The following NRG3 variants were observed in gnomAD, a reference collection of about 807,000 sequenced individuals.
NRG3 encodes neuregulin 3.
NRG3 carries 31 observed loss-of-function variants against 66.9 expected under a neutral mutation model. The observed-to-expected ratio is 0.46, with a 90% CI of 0.35 to 0.63. NRG3 has a LOEUF of 0.63. Ranked by LOEUF, NRG3 falls within the 20% of genes least tolerant of loss-of-function variation. The probability of loss-of-function intolerance (pLI) is 0.00; values close to 1 mark genes in which losing one functional copy is unlikely to be tolerated. For missense variants in NRG3, 910 were observed against 878.9 expected, an observed-to-expected ratio of 1.04 and a Z score of -0.45; for synonymous variants, 393 against 359.4, an observed-to-expected ratio of 1.09 and a Z score of -1.06.
chr10:82,015,486 C>T (rs1469554913), intron 1 of NRG3, among the ~76,000 whole-genome samples: 3 of 152,038 alleles, frequency 2.0e-5, no homozygotes, highest in East Asian at 1.9e-4. Flanking sequence ...ATAATCCCAA[C>T]GTGTGAAGGG....
At chr10:82,466,191 G>C (rs751514461) in intron 2 of NRG3, among the ~76,000 whole-genome samples, 1 of 151,874 alleles carries the variant, frequency 6.6e-6, no homozygotes, top group African/African-American at 2.4e-5. Context: ...TCCAACCTCT[G>C]TCTCTTCTAC....
chr10:82,798,833 C>A (rs982331710), intron 3 of NRG3, among the ~76,000 whole-genome samples: 3 of 152,266 alleles, frequency 2.0e-5, no homozygotes, highest in African/African-American at 4.8e-5. Flanking sequence ...CTCACATCAA[C>A]TTGATTTTTA....
intron 1 of NRG3, among the ~76,000 whole-genome samples, chr10:82,276,706 T>A (rs1312270322): frequency 2.0e-5 from 3 of 152,052 alleles, no homozygotes; most frequent in African/African-American, 7.2e-5. Context: ...TGAGTTGGTT[T>A]GGTGGACAAA....
chr10:82,470,238 C>A (rs1841122362), intron 2 of NRG3, among the ~76,000 whole-genome samples: 1 of 152,202 alleles, frequency 6.6e-6, no homozygotes, highest in African/African-American at 2.4e-5. Flanking sequence ...GTAAAGATAT[C>A]TTTCAGTGAG....
At chr10:82,100,616 A>C (rs934675218) in intron 1 of NRG3, among the ~76,000 whole-genome samples, 29 of 152,114 alleles carry the variant, frequency 1.9e-4, no homozygotes, top group Non-Finnish European at 3.5e-4. Flanking sequence ...AGTTTTTTGT[A>C]TATATTTTGA....
intron 3 of NRG3, among the ~76,000 whole-genome samples, chr10:82,750,369 A>C (rs529417869): frequency 6.6e-6 from 1 of 152,320 alleles, no homozygotes; most frequent in African/African-American, 2.4e-5. Flanking sequence ...TTTTTAATAT[A>C]GTTTTAAAAA....
chr10:82,681,425 A>G (rs2054104747), intron 2 of NRG3, among the ~76,000 whole-genome samples: 1 of 152,216 alleles, frequency 6.6e-6, no homozygotes, highest in South Asian at 2.1e-4. Flanking sequence ...TAAGCTTCAT[A>G]AAATTAAAAA....
At chr10:82,218,048 C>T (rs557425630) in intron 1 of NRG3, among the ~76,000 whole-genome samples, 1 of 152,150 alleles carries the variant, frequency 6.6e-6, no homozygotes, top group South Asian at 2.1e-4. Context: ...ATCTCAAATA[C>T]CCAAAGAAAA....
intron 1 of NRG3, among the ~76,000 whole-genome samples, chr10:81,907,349 T>G (rs1844695380): frequency 6.6e-6 from 1 of 152,170 alleles, no homozygotes; most frequent in South Asian, 2.1e-4. Context: ...CAAAGCTCTG[T>G]TTTTACTGCT....
intron 7 of NRG3, among the ~76,000 whole-genome samples, chr10:82,975,021 G>A (rs1349699782): frequency 6.6e-6 from 1 of 152,084 alleles, no homozygotes; most frequent in Non-Finnish European, 1.5e-5. Flanking sequence ...AAAAGAATAT[G>A]GTATGAGTCT....
intron 1 of NRG3, among the ~76,000 whole-genome samples, chr10:82,317,662 A>G (rs559423462): frequency 1.6e-4 from 24 of 152,352 alleles, no homozygotes; most frequent in African/African-American, 5.5e-4. Context: ...GAAACATAGC[A>G]TATGATCATG....
intron 3 of NRG3, among the ~76,000 whole-genome samples, chr10:82,763,878 A>G (rs1054776872): frequency 1.3e-5 from 2 of 152,212 alleles, no homozygotes; most frequent in Non-Finnish European, 2.9e-5. Flanking sequence ...AACTCATTTT[A>G]CTTTTTAATT....
intron 4 of NRG3, among the ~76,000 whole-genome samples, chr10:82,925,417 C>T (rs1001947026): frequency 4.6e-5 from 7 of 152,180 alleles, no homozygotes; most frequent in African/African-American, 1.7e-4. Flanking sequence ...TAATAATGGT[C>T]CCAGCACTGT....
intron 1 of NRG3, among the ~76,000 whole-genome samples, chr10:82,137,261 T>C (rs1277321889): frequency 1.3e-5 from 2 of 152,208 alleles, no homozygotes; most frequent in East Asian, 1.9e-4. Flanking sequence ...TCAGTCAGGA[T>C]TGCGCTTTTA....
At chr10:82,428,733 T>C (rs1198344121) in intron 2 of NRG3, among the ~76,000 whole-genome samples, 1 of 151,958 alleles carries the variant, frequency 6.6e-6, no homozygotes, top group East Asian at 1.9e-4. Context: ...GGATAGTTTC[T>C]AGTTTTGTTC....
intron 1 of NRG3, among the ~76,000 whole-genome samples, chr10:81,892,411 C>T (rs1282985608): frequency 6.6e-6 from 1 of 152,034 alleles, no homozygotes; most frequent in Non-Finnish European, 1.5e-5. Context: ...TCATCCAATT[C>T]TAGATATGAT....
At chr10:82,516,811 C>T (rs1459756495) in intron 2 of NRG3, among the ~76,000 whole-genome samples, 1 of 151,964 alleles carries the variant, frequency 6.6e-6, no homozygotes, top group Non-Finnish European at 1.5e-5. Context: ...AATGCTTTTA[C>T]AAGGGTGACC....
chr10:82,619,161 T>C (rs991359540), intron 2 of NRG3, among the ~76,000 whole-genome samples: 21 of 152,250 alleles, frequency 1.4e-4, no homozygotes, highest in African/African-American at 5.1e-4. Flanking sequence ...ACTCCTTTAA[T>C]GTAAGTTAGA....
intron 4 of NRG3, among the ~76,000 whole-genome samples, chr10:82,867,063 GT>G (rs796938073): frequency 9.2e-5 from 14 of 152,276 alleles, no homozygotes; most frequent in African/African-American, 3.4e-4. Flanking sequence ...GAAGAGTATA[GT>G]TAAGGGTAAT....
Sources: allele counts gnomAD v4.1 joint callset (sites outside exome capture counted in the v4.1 genomes callset), GRCh38; gene constraint gnomAD v4.1.1; transcripts MANE v1.5; gene names NCBI Gene and HGNC (gene_info 2026-07-23, HGNC 2026-07-21).